The following PNKP variants were observed in gnomAD, a reference collection of about 807,000 sequenced individuals.
PNKP encodes polynucleotide kinase 3'-phosphatase.
A neutral mutation model predicts 66.2 loss-of-function variants in PNKP; 82 were observed. The observed-to-expected ratio is 1.24, with a 90% CI of 1.04 to 1.49. PNKP has a LOEUF of 1.49. Ranked by LOEUF, PNKP falls within the 40% of genes most tolerant of loss-of-function variation. The pLI is 0.00. For synonymous variants in PNKP, 412 were observed against 298.9 expected (o/e 1.38, Z -3.90); for missense variants, 907 against 706.8 (o/e 1.28, Z -3.21).
In PNKP at chr19:49,863,778, C is replaced by T. The variant is rs1456469171; in HGVS notation, c.745-18G>A. 2 of 1,553,866 alleles carry T rather than the reference C, an allele frequency of 1.3e-6. No homozygotes were observed. Among genetic ancestry groups the T allele is most frequent in the Non-Finnish European group, 1.7e-6 (2 of 1,147,514 alleles). ...ACCAGCACCTGTGGATGGGAGGGGG[C>T]CACCAGCTTTAGCTCCCCCTCAAGC... On this transcript the variant is annotated intron_variant, in intron 7 of 16. Coordinates refer to ENST00000322344, the MANE Select transcript of PNKP (RefSeq NM_007254.4).
rs1331657448 is a variant in PNKP, at chr19:49,862,192, G to T, written c.1119C>A (p.Phe373Leu). ...ASPEVVVAVGFPGAGKSTFLK... is the reference protein window; with the variant it reads ...ASPEVVVAVGLPGAGKSTFLK... The stretch of plus-strand genomic sequence containing the variant: ...CAGGAACAGGACACTTACCCCCAGG[G>T]AATCCCACTGCGACAACCACCTCCG... Residue 373 changes from phenylalanine (F) to leucine (L), a missense_variant, in exon 12 of 17, where the codon TTC becomes TTA. Phe to Leu is a conservative substitution (Grantham distance 22). Transcript: ENST00000322344. The T allele has an allele frequency of 6.2e-7, 1 of 1,613,760 alleles. No individual in the cohort carries two copies. Among genetic ancestry groups the T allele is most frequent in the Admixed American group, 1.7e-5 (1 of 59,978 alleles).
Position 49,866,446 on chromosome 19 carries a change from C to A in PNKP, c.152-1G>T. 6.2e-7 allele frequency: 1 copy of A among 1,614,168 alleles called. No homozygotes were observed. The highest frequency in any genetic ancestry group is 8.5e-7 in the Non-Finnish European group (1 of 1,179,984). ...GTCTCAGGATCTGCGACCAGCTCCA[C>A]TGAGGATTGGAGGGGTGGAGTCAGG... On this transcript the variant is annotated splice_acceptor_variant, in intron 2 of 16. Transcript: ENST00000322344. LOFTEE classifies it high-confidence loss of function.
intron 1 of PNKP, 47 bp from the exon 2 acceptor site, chr19:49,867,264 C>T: frequency 1.3e-6 from 2 of 1,538,008 alleles, no homozygotes; most frequent in Non-Finnish European, 1.8e-6. Flanking sequence ...CCCCAATTTG[C>T]TGCAGGAAGT....
In PNKP at chr19:49,863,971, G is replaced by A; in HGVS notation, c.737C>T (p.Pro246Leu). The A allele has an allele frequency of 1.9e-6, 3 of 1,612,630 alleles. No individual in the cohort carries two copies. In the South Asian group the frequency reaches 3.3e-5, roughly 18 times the overall value. Residue 246 changes from proline (P) to leucine (L), a missense_variant, in exon 7 of 17, where the codon CCC becomes CTC. Physicochemically the swap from Pro to Leu is moderately conservative, Grantham distance 98 (BLOSUM62 -3). Coordinates refer to ENST00000322344, the MANE Select transcript of PNKP (RefSeq NM_007254.4). ...CCTCCCTTCCAGCCATACCTGGAAG[G>A]GGACCCCCAGCTTCTCCACCACAGC... ...VEAVVEKLGVPFQVLVATHAG... is the reference protein window; with the variant it reads ...VEAVVEKLGVLFQVLVATHAG...
intron 3 of PNKP, chr19:49,865,657 A>G (rs1325288223): frequency 1.9e-6 from 1 of 527,820 alleles, no homozygotes; most frequent in East Asian, 3.2e-5. Flanking sequence ...TTTGTCGCCC[A>G]GGCTGGAGTG....
Position 49,864,079 on chromosome 19 carries a change from G to A in PNKP, c.637-8C>T. On this transcript the variant is annotated splice_region_variant and splice_polypyrimidine_tract_variant and intron_variant, in intron 6 of 16. Transcript: ENST00000322344. Reference sequence around the variant, plus strand: ...GTTGGTGAAGATCACCAGCTGGGGAGCAAAGGGTGTCACCAGACGCTCTGC... The same window carrying A: ...GTTGGTGAAGATCACCAGCTGGGGAACAAAGGGTGTCACCAGACGCTCTGC... 1.9e-6 allele frequency: 3 copies of A among 1,613,214 alleles called. No homozygotes were observed. The highest frequency in any genetic ancestry group is 2.5e-6 in the Non-Finnish European group (3 of 1,179,424).
Position 49,861,778 on chromosome 19 carries a change from CGG to C in PNKP, c.1290_1291del (p.Ser430ArgfsTer63). On this transcript the variant is annotated frameshift_variant, in exon 14 of 17. Transcript: ENST00000322344. LOFTEE classifies it high-confidence loss of function. ...GGCCCCGCGGTCACGCTACCTGGCG[CGG>C]CTCGCGGCGTCTGGGTTTGTGTTGT... is the stretch of plus-strand genomic sequence containing the variant. The C allele has an allele frequency of 6.4e-7, 1 of 1,562,572 alleles. No individual in the cohort carries two copies. The highest frequency in any genetic ancestry group is 8.6e-7 in the Non-Finnish European group (1 of 1,156,228).
chr19:49,867,196 C>T lies in PNKP; in HGVS notation c.9G>A (p.Glu3=), dbSNP rs765975729. The T allele has an allele frequency of 1.9e-6, 3 of 1,610,902 alleles. No individual in the cohort carries two copies. In the South Asian group the frequency reaches 3.3e-5, roughly 18 times the overall value. Residue 3 remains glutamate (E), a synonymous_variant, in exon 2 of 17, where the codon GAG becomes GAA. Transcript: ENST00000322344. The stretch of plus-strand genomic sequence containing the variant: ...GCCACAAGCGGCCCGGGGCCTCCAC[C>T]TCGCCCATCCTGGGTGCCGGCCTGG... MG[E]VEAPGRLWLE...
rs374743798 is a variant in PNKP at position 49,866,418 on chromosome 19, C to T, written c.179G>A (p.Arg60Gln). ...TGATACCTGTTTCACTGCCACTGTCCGGGTCTCAGGATCTGCGACCAGCTC... is the reference window on the plus strand; with the variant it reads ...TGATACCTGTTTCACTGCCACTGTCTGGGTCTCAGGATCTGCGACCAGCTC... ...QVELVADPET[R>Q]TVAVKQLGVN... The change falls in exon 3 of 17, where the codon CGG (arginine) becomes CAG (glutamine). Residue 60 changes from arginine (R) to glutamine (Q), a missense_variant. Transcript: ENST00000322344. 44 of 1,614,034 alleles carry T rather than the reference C, an allele frequency of 2.7e-5. No individual in the cohort carries two copies. The African/African-American group carries it at 5.3e-4, about 20-fold the overall frequency.
rs2122338345 is a variant in PNKP, at chr19:49,865,148, A to C, written c.477T>G (p.Ala159=). The C allele has an allele frequency of 6.2e-7, 1 of 1,614,108 alleles. No individual in the cohort carries two copies. The highest frequency in any genetic ancestry group is 2.2e-5 in the East Asian group (1 of 44,888). ...NLEKLLVFTA[A]GVKPQGKVAG... is the part of the protein sequence containing the mutation. The stretch of plus-strand genomic sequence containing the variant: ...TCACCTTGCCCTGGGGTTTCACCCC[A>C]GCTGCGGTGAACACTAGCAACTTCT... The change falls in exon 4 of 17, where the codon GCT becomes GCG. Residue 159 remains alanine, a synonymous_variant. Coordinates refer to ENST00000322344, the MANE Select transcript of PNKP (RefSeq NM_007254.4).
Position 49,862,245 on chromosome 19 carries a change from CG to C in PNKP, c.1065del (p.Glu356SerfsTer6), listed in dbSNP as rs780627462. 30 of 1,610,020 alleles carry C rather than the reference CG, an allele frequency of 1.9e-5. No individual in the cohort carries two copies. The highest frequency in any genetic ancestry group is 4.5e-5 in the East Asian group (2 of 44,698). On this transcript the variant is annotated frameshift_variant, in exon 12 of 17. Transcript: ENST00000322344. LOFTEE classifies it high-confidence loss of function. The stretch of plus-strand genomic sequence containing the variant: ...CTGGCGCTCAGGAGGGCCCTGGACT[CG>C]GGGAGGCAGAGAGGCCCTGAGCGGG... The part of the protein sequence containing the change: ...TVSRSGPLCL[P>X]ESRALLSASP...
At position 49,861,784 on chromosome 19, in the gene PNKP, G is replaced by GCGGCGTCTGGGTTTGTGTTGT; in HGVS notation, c.1265_1285dup (p.Asp422_Ala428dup). 1 of 1,565,436 alleles carries GCGGCGTCTGGGTTTGTGTTGT rather than the reference G, an allele frequency of 6.4e-7. No homozygotes were observed. ...GCGGTCACGCTACCTGGCGCGGCTCGCGGCGTCTGGGTTTGTGTTGTCGAT... is the reference window on the plus strand; with the variant it reads ...GCGGTCACGCTACCTGGCGCGGCTCGCGGCGTCTGGGTTTGTGTTGTCGGCGTCTGGGTTTGTGTTGTCGAT... On this transcript the variant is annotated inframe_insertion, in exon 14 of 17. Coordinates refer to ENST00000322344, the MANE Select transcript of PNKP (RefSeq NM_007254.4).
In PNKP at chr19:49,862,317, C is replaced by T. The variant is rs1000389864; in HGVS notation, c.1030-36G>A. The T allele has an allele frequency of 5.2e-6, 8 of 1,544,770 alleles. No individual in the cohort carries two copies. The African/African-American group carries it at 8.2e-5, about 16-fold the overall frequency. On this transcript the variant is annotated intron_variant, in intron 11 of 16. Transcript: ENST00000322344. ...CGGGGGACACGCGTGAGATGCCGTC[C>T]CCATCCCCGGGAGCCCTCCCATCCC...
At position 49,864,409 on chromosome 19, in the gene PNKP, G is replaced by A. The variant is rs761565319; in HGVS notation, c.499-6C>T. 6.2e-7 allele frequency: 1 copy of A among 1,610,844 alleles called. No individual in the cohort carries two copies. The highest frequency in any genetic ancestry group is 1.1e-5 in the South Asian group (1 of 91,016). The stretch of plus-strand genomic sequence containing the variant: ...TCCAGATCAAAGCCAGCCACCTGGT[G>A]TCACCAAGGAAAGACAAACAGCAGC... On this transcript the variant is annotated splice_polypyrimidine_tract_variant and splice_region_variant and intron_variant, in intron 4 of 16. Transcript: ENST00000322344.
Position 49,865,189 on chromosome 19 carries a change from CG to C in PNKP, c.435del (p.Gly146AlafsTer9). 3 of 1,614,242 alleles carry C rather than the reference CG, an allele frequency of 1.9e-6. No homozygotes were observed. Among genetic ancestry groups the C allele is most frequent in the Non-Finnish European group, 2.5e-6 (3 of 1,180,040 alleles). Reference protein sequence around the residue: ...LPKKRMRKSNPGWENLEKLLV... With the variant: ...LPKKRMRKSNXGWENLEKLLV... ...AGCAACTTCTCCAAGTTCTCCCAGCCGGGGTTTGACTTCCGCATACGCTTCT... is the reference window on the plus strand; with the variant it reads ...AGCAACTTCTCCAAGTTCTCCCAGCCGGGTTTGACTTCCGCATACGCTTCT... On this transcript the variant is annotated frameshift_variant, in exon 4 of 17. Transcript: ENST00000322344. LOFTEE classifies it high-confidence loss of function.
At position 49,867,185 on chromosome 19, in the gene PNKP, G is replaced by A. The variant is rs776442624; in HGVS notation, c.20C>T (p.Pro7Leu). 1.1e-5 allele frequency: 18 copies of A among 1,611,530 alleles called. No homozygotes were observed. In the South Asian group the frequency reaches 1.6e-4, roughly 15 times the overall value. MGEVEAPGRLWLESPPG... is the reference protein window; with the variant it reads MGEVEALGRLWLESPPG... The stretch of plus-strand genomic sequence containing the variant: ...GGGGCTCTCGAGCCACAAGCGGCCC[G>A]GGGCCTCCACCTCGCCCATCCTGGG... The change falls in exon 2 of 17, where the codon CCG becomes CTG. Residue 7 changes from proline to leucine, a missense_variant. Pro to Leu is a moderately conservative substitution (Grantham distance 98, BLOSUM62 -3). Coordinates refer to ENST00000322344, the MANE Select transcript of PNKP (RefSeq NM_007254.4).
In PNKP at chr19:49,861,256, C is replaced by A. The variant is rs770823063; in HGVS notation, c.1558G>T (p.Glu520Ter). The change falls in exon 17 of 17, where the codon GAG (glutamate) becomes TAG (stop). Residue 520 changes from glutamate to a stop codon, truncating the protein, a stop_gained. Coordinates refer to ENST00000322344, the MANE Select transcript of PNKP (RefSeq NM_007254.4). LOFTEE classifies it high-confidence loss of function. ...RLGRLYCQFSEG is the reference protein window; with the variant it reads ...RLGRLYCQFS ...GGGGAGCTGGGCGGGGCTCAGCCCTCGGAGAACTGGCAGTACAGCCGCCCC... is the reference window on the plus strand; with the variant it reads ...GGGGAGCTGGGCGGGGCTCAGCCCTAGGAGAACTGGCAGTACAGCCGCCCC... The A allele has an allele frequency of 6.2e-7, 1 of 1,601,002 alleles. No individual in the cohort carries two copies. Among genetic ancestry groups the A allele is most frequent in the Non-Finnish European group, 8.6e-7 (1 of 1,168,338 alleles).
rs1271713057 is a variant in PNKP at position 49,861,658 on chromosome 19, G to T, written c.1336C>A (p.Arg446Ser). Residue 446 changes from arginine to serine, a missense_variant, in exon 15 of 17, where the codon CGC becomes AGC. Coordinates refer to ENST00000322344, the MANE Select transcript of PNKP (RefSeq NM_007254.4). ...AGAGTGGCGGTGAAGAGGAAGCAGC[G>T]GCAGGGGACGCCCGCGGCTCGGGCA... Reference protein sequence around the residue: ...QCARAAGVPCRCFLFTATLEQ... With the variant: ...QCARAAGVPCSCFLFTATLEQ... 3.2e-6 allele frequency: 5 copies of T among 1,550,238 alleles called. No individual in the cohort carries two copies. The highest frequency in any genetic ancestry group is 4.4e-6 in the Non-Finnish European group (5 of 1,147,088).
chr19:49,863,899 G>A, intron 7 of PNKP, 65 bp downstream of exon 7: 1 of 1,438,962 alleles, frequency 6.9e-7, no homozygotes, highest in African/African-American at 1.4e-5. Flanking sequence ...TTACCCTGGA[G>A]TCTAAAGCCC....
Sources: allele counts gnomAD v4.1 joint callset, GRCh38; gene constraint gnomAD v4.1.1; transcripts MANE v1.5; gene names NCBI Gene and HGNC (gene_info 2026-07-23, HGNC 2026-07-21).